Variants in INTS13 observed in about 807,000 individuals in gnomAD.
INTS13 encodes the protein integrator complex subunit 13, also known as asunder, spermatogenesis regulator homolog (Drosphila).
A neutral mutation model predicts 90.2 loss-of-function variants in INTS13; 35 were observed. The ratio of observed to expected loss-of-function variants is 0.39; its 90% CI spans 0.30 to 0.51. The LOEUF (loss-of-function observed/expected upper bound fraction) is 0.51. Ranked by LOEUF, INTS13 falls within the 20% of genes least tolerant of loss-of-function variation. The pLI is 0.80. For missense variants in INTS13, 601 were observed against 851.2 expected, an observed-to-expected ratio of 0.71 and a Z score of 3.66; for synonymous variants, 309 against 277.1, an observed-to-expected ratio of 1.11 and a Z score of -1.14.
At chr12:26,923,599 C>T (rs1015826264) in intron 7 of INTS13, among the ~76,000 whole-genome samples, 6 of 152,014 alleles carry the variant, frequency 3.9e-5, no homozygotes, top group Non-Finnish European at 8.8e-5. Context: ...TACTATGGGC[C>T]GGGCACTGTG....
At chr12:26,924,878 C>T (rs189119175) in intron 6 of INTS13, among the ~76,000 whole-genome samples, 3 of 152,118 alleles carry the variant, frequency 2.0e-5, no homozygotes, top group African/African-American at 7.2e-5. Flanking sequence ...GAGGACAAAA[C>T]CCTGCAGATA....
chr12:26,934,496 A>T (rs894883671), intron 3 of INTS13, 60 bp downstream of exon 3: 15 of 1,228,408 alleles, frequency 1.2e-5, no homozygotes, highest in Admixed American at 2.0e-5. Flanking sequence ...TCATTTTTTT[A>T]AAAAGTATTA....
chr12:26,929,834 AAGAG>A (rs374907720), intron 3 of INTS13, among the ~76,000 whole-genome samples: 2 of 150,684 alleles, frequency 1.3e-5, no homozygotes, highest in Admixed American at 6.6e-5. Context: ...GGAAGGAAGG[AAGAG>A]AGAGAGAGAG....
At chr12:26,914,714 A>G in intron 11 of INTS13, 136 bp from the exon 12 acceptor site, 1 of 589,892 alleles carries the variant, frequency 1.7e-6, no homozygotes, top group Middle Eastern at 4.8e-4. Context: ...GTATCCCTTA[A>G]CTCCACTACT....
At chr12:26,933,126 A>G (rs1046396860) in intron 3 of INTS13, among the ~76,000 whole-genome samples, 2 of 152,202 alleles carry the variant, frequency 1.3e-5, no homozygotes, top group African/African-American at 4.8e-5. Context: ...CTTGGAAATT[A>G]AAAGTACAAT....
At chr12:26,931,972 A>C in intron 3 of INTS13, among the ~76,000 whole-genome samples, 1 of 151,638 alleles carries the variant, frequency 6.6e-6, no homozygotes, top group East Asian at 2.0e-4. Context: ...CTGTAATTCC[A>C]GCTGCTTGGG....
chr12:26,920,918 T>C (rs973626252), intron 8 of INTS13, among the ~76,000 whole-genome samples: 2 of 152,196 alleles, frequency 1.3e-5, no homozygotes, highest in African/African-American at 4.8e-5. Context: ...ATGATTATGC[T>C]TCAGAAGATG....
rs1290903436 is a variant in INTS13 at position 26,924,393 on chromosome 12, CA to C, written c.765del (p.Phe255LeufsTer13). The C allele has an allele frequency of 6.2e-7, 1 of 1,612,796 alleles. No individual in the cohort carries two copies. The highest frequency in any genetic ancestry group is 8.5e-7 in the Non-Finnish European group (1 of 1,179,376). ...TKLNILVQQHFDLASTTITNI... is the reference protein window; with the variant it reads ...TKLNILVQQHXDLASTTITNI... The stretch of plus-strand genomic sequence containing the variant: ...TTTGTAATAGTAGTTGAAGCCAAGT[CA>C]AAATGTTGCTGTACTAAAATATTCA... On this transcript the variant is annotated frameshift_variant, in exon 7 of 17. Coordinates refer to ENST00000261191, the MANE Select transcript of INTS13 (RefSeq NM_018164.3). LOFTEE classifies it high-confidence loss of function.
intron 8 of INTS13, among the ~76,000 whole-genome samples, chr12:26,920,855 A>G (rs1952098270): frequency 6.6e-6 from 1 of 152,198 alleles, no homozygotes; most frequent in Non-Finnish European, 1.5e-5. Context: ...TTAGCAGTTC[A>G]TTAGGTTTAT....
At chr12:26,912,745 T>C (rs1250018102) in intron 14 of INTS13, among the ~76,000 whole-genome samples, 1 of 139,860 alleles carries the variant, frequency 7.2e-6, no homozygotes, top group Non-Finnish European at 1.5e-5. Context: ...TTTTTTTTTT[T>C]GAGACAAAGT....
intron 5 of INTS13, among the ~76,000 whole-genome samples, chr12:26,926,546 C>G (rs1390398308): frequency 6.6e-6 from 1 of 152,152 alleles, no homozygotes; most frequent in African/African-American, 2.4e-5. Flanking sequence ...CCTAAGAAAA[C>G]TAATAATCAC....
rs145470879 is a variant in INTS13, at chr12:26,917,696, C to T, written c.927G>A (p.Ser309=). 44 of 1,613,850 alleles carry T rather than the reference C, an allele frequency of 2.7e-5. No individual in the cohort carries two copies. The highest frequency in any genetic ancestry group is 2.3e-4 in the African/African-American group (17 of 74,894). Residue 309 remains serine (S), a synonymous_variant, in exon 9 of 17, where the codon TCG becomes TCA. Coordinates refer to ENST00000261191, the MANE Select transcript of INTS13 (RefSeq NM_018164.3). ...SHLGGGSREG[S]FKETITLKWC... is the part of the protein sequence containing the mutation. The stretch of plus-strand genomic sequence containing the variant: ...ACTTTAATGTTATTGTTTCTTTAAA[C>T]GAGCCTTCTCGACTGCCGCCACCTA...
chr12:26,936,452 A>T (rs1938463776), intron 2 of INTS13, 127 bp downstream of exon 2: 1 of 666,656 alleles, frequency 1.5e-6, no homozygotes, highest in Admixed American at 2.9e-5. Context: ...CCCAAAGGGC[A>T]GCGTTATGTA....
intron 8 of INTS13, chr12:26,919,091 C>T (rs192533962): frequency 3.8e-4 from 134 of 353,596 alleles, no homozygotes; most frequent in Admixed American, 9.0e-4. Flanking sequence ...GCTTGTAGCC[C>T]GAGGGGTCGA....
intron 10 of INTS13, 124 bp from the exon 11 acceptor site, chr12:26,916,304 T>TA: frequency 1.2e-6 from 1 of 847,544 alleles, no homozygotes; most frequent in Non-Finnish European, 1.8e-6. Context: ...CCAGCATTGC[T>TA]AATTTAGTGT....
chr12:26,928,151 T>C (rs1705047013), intron 5 of INTS13, 54 bp downstream of exon 5: 1 of 1,274,662 alleles, frequency 7.8e-7, no homozygotes. Flanking sequence ...GAAATAATTA[T>C]AACATATATC....
intron 5 of INTS13, among the ~76,000 whole-genome samples, chr12:26,926,734 C>T (rs1222130896): frequency 1.3e-5 from 2 of 152,146 alleles, no homozygotes; most frequent in African/African-American, 2.4e-5. Flanking sequence ...TGGTTTCTGA[C>T]CCCAGTTCTT....
At chr12:26,911,441 G>A in intron 14 of INTS13, 124 bp from the exon 15 acceptor site, 1 of 689,998 alleles carries the variant, frequency 1.4e-6, no homozygotes, top group Non-Finnish European at 2.1e-6. Flanking sequence ...AATAAACCTA[G>A]GGACTAATCA....
rs775434666 is a variant in INTS13 at position 26,928,250 on chromosome 12, T to C, written c.539A>G (p.Gln180Arg). 7 of 1,610,940 alleles carry C rather than the reference T, an allele frequency of 4.3e-6. No homozygotes were observed. The highest frequency in any genetic ancestry group is 4.5e-5 in the East Asian group (2 of 44,788). ...CTTGTTATGTTCATGAATCGTTTCC[T>C]GGACACAGTCTTCAAGCATTCGCAC... ...SHVRMLEDCV[Q>R]ETIHEHNKLA... The change falls in exon 5 of 17, where the codon CAG becomes CGG. Residue 180 changes from glutamine to arginine, a missense_variant. Transcript: ENST00000261191.
Sources: allele counts gnomAD v4.1 joint callset (sites outside exome capture counted in the v4.1 genomes callset), GRCh38; gene constraint gnomAD v4.1.1; transcripts MANE v1.5; gene names NCBI Gene and HGNC (gene_info 2026-07-23, HGNC 2026-07-21).